Variants in GREM2 observed in about 807,000 individuals in gnomAD.
GREM2 encodes the protein gremlin 2, DAN family BMP antagonist.
Under a neutral mutation model 14.2 loss-of-function variants are expected in GREM2, and 11 were observed. That is an observed-to-expected ratio of 0.78 (90% CI 0.49 to 1.28). The LOEUF is 1.28. GREM2 is among the 50% of genes most tolerant of loss of function. The probability of loss-of-function intolerance (pLI) is 0.00; values close to 1 mark genes in which losing one functional copy is unlikely to be tolerated. For missense variants in GREM2, 210 were observed against 218.5 expected (o/e 0.96, Z 0.24); for synonymous variants, 98 against 97.6 (o/e 1.00, Z -0.02).
chr1:240,585,291 C>A (rs1046502083), intron 1 of GREM2, among the ~76,000 whole-genome samples: 8 of 152,086 alleles, frequency 5.3e-5, no homozygotes, highest in East Asian at 3.9e-4. Context: ...ACCATAGGGC[C>A]CTGTGAGGAC....
intron 1 of GREM2, among the ~76,000 whole-genome samples, chr1:240,600,712 G>A (rs1039941503): frequency 4.6e-5 from 7 of 152,038 alleles, no homozygotes; most frequent in Non-Finnish European, 1.5e-5. Context: ...TCGAACTCCT[G>A]ACCTCAGGAG....
At chr1:240,510,358 A>G (rs1572371956) in intron 1 of GREM2, among the ~76,000 whole-genome samples, 6 of 115,134 alleles carry the variant, frequency 5.2e-5, no homozygotes, top group Admixed American at 2.3e-4. Flanking sequence ...CGACAGAGCG[A>G]GACTCCGTCG....
chr1:240,611,623 GAGAA>G (rs1355370268), intron 1 of GREM2, among the ~76,000 whole-genome samples: 4 of 152,174 alleles, frequency 2.6e-5, no homozygotes, highest in South Asian at 2.1e-4. Flanking sequence ...TTATTTAAAA[GAGAA>G]AGAAAGAGCG....
chr1:240,521,990 C>A (rs1678110323), intron 1 of GREM2, among the ~76,000 whole-genome samples: 1 of 150,500 alleles, frequency 6.6e-6, no homozygotes, highest in Non-Finnish European at 1.5e-5. Flanking sequence ...CATGGTGGCA[C>A]ACACCTGTAG....
chr1:240,575,024 T>C (rs774225626), intron 1 of GREM2, among the ~76,000 whole-genome samples: 1 of 152,002 alleles, frequency 6.6e-6, no homozygotes, highest in Non-Finnish European at 1.5e-5. Context: ...GGAGAATTGG[T>C]TGAACGTGGG....
intron 1 of GREM2, among the ~76,000 whole-genome samples, chr1:240,573,724 G>A (rs1200667917): frequency 1.3e-5 from 2 of 152,220 alleles, no homozygotes; most frequent in East Asian, 3.9e-4. Context: ...TTCCTTTGAG[G>A]ACTGTGCTAT....
intron 1 of GREM2, among the ~76,000 whole-genome samples, chr1:240,581,250 CAA>C (rs58517545): frequency 7.6e-4 from 68 of 89,066 alleles, no homozygotes; most frequent in African/African-American, 1.5e-3. Flanking sequence ...AAATCCATCT[CAA>C]AAAAAAAAAA....
At chr1:240,590,989 C>T (rs997565883) in intron 1 of GREM2, among the ~76,000 whole-genome samples, 18 of 150,860 alleles carry the variant, frequency 1.2e-4, no homozygotes, top group African/African-American at 2.0e-4. Context: ...ACCAGGTTGG[C>T]CAGGCTGGTC....
intron 1 of GREM2, among the ~76,000 whole-genome samples, chr1:240,607,650 C>T (rs886187463): frequency 1.7e-4 from 26 of 152,324 alleles, no homozygotes; most frequent in Non-Finnish European, 3.1e-4. Context: ...TTACACAGAT[C>T]TATGTTGCTC....
intron 1 of GREM2, among the ~76,000 whole-genome samples, chr1:240,559,153 C>T (rs9428850): frequency 0.034 from 5,117 of 152,108 alleles, 276 homozygotes; most frequent in African/African-American, 0.12. Flanking sequence ...ATGAATTTCT[C>T]GAACTCTGTT....
intron 1 of GREM2, among the ~76,000 whole-genome samples, chr1:240,574,022 T>C (rs961083482): frequency 6.6e-6 from 1 of 152,060 alleles, no homozygotes; most frequent in Admixed American, 6.6e-5. Flanking sequence ...CAGGTTCAGG[T>C]GATTCTCCTT....
chr1:240,574,176 T>A (rs1352941548), intron 1 of GREM2, among the ~76,000 whole-genome samples: 1 of 152,100 alleles, frequency 6.6e-6, no homozygotes, highest in African/African-American at 2.4e-5. Flanking sequence ...CGCCTCGGCC[T>A]CCCAAAGTGA....
At chr1:240,503,950 A>T (rs1200368146) in intron 1 of GREM2, among the ~76,000 whole-genome samples, 5 of 152,136 alleles carry the variant, frequency 3.3e-5, no homozygotes, top group African/African-American at 4.8e-5. Context: ...CATAGTTTTA[A>T]ATGTTTATTA....
Position 240,594,443 on chromosome 1 carries a change from G to A in GREM2, c.-2+17441C>T, listed in dbSNP as rs374586142. ...TTGCTCTTTTCCCGGAAATAAACCAGGAAAGAATATTGGGTTGAACCTAAG... is the reference window on the plus strand; with the variant it reads ...TTGCTCTTTTCCCGGAAATAAACCAAGAAAGAATATTGGGTTGAACCTAAG... On this transcript the variant is annotated intron_variant, in intron 1 of 1. Coordinates refer to ENST00000318160, the MANE Select transcript of GREM2 (RefSeq NM_022469.4). 3.7e-3 allele frequency among the ~76,000 whole-genome samples: 561 copies of A among 152,226 alleles called. 3 individuals carry two copies. Among genetic ancestry groups the A allele is most frequent in the African/African-American group, 0.013 (536 of 41,550 alleles).
intron 1 of GREM2, among the ~76,000 whole-genome samples, chr1:240,495,435 T>A (rs1443535140): frequency 6.6e-6 from 1 of 152,256 alleles, no homozygotes; most frequent in Non-Finnish European, 1.5e-5. Context: ...AAATTGAATA[T>A]TAAATATGTT....
intron 1 of GREM2, among the ~76,000 whole-genome samples, chr1:240,562,370 T>C (rs555119255): frequency 6.6e-6 from 1 of 152,282 alleles, no homozygotes; most frequent in South Asian, 2.1e-4. Context: ...CCTAGCAAAA[T>C]GACTGAAATT....
At chr1:240,581,601 T>A (rs1228495278) in intron 1 of GREM2, among the ~76,000 whole-genome samples, 1 of 152,220 alleles carries the variant, frequency 6.6e-6, no homozygotes, top group Non-Finnish European at 1.5e-5. Flanking sequence ...ATAAATAATT[T>A]CTATCAAAAG....
chr1:240,551,898 A>G (rs1034793391), intron 1 of GREM2, among the ~76,000 whole-genome samples: 2 of 152,204 alleles, frequency 1.3e-5, no homozygotes, highest in African/African-American at 4.8e-5. Flanking sequence ...AGATTATGCC[A>G]ACCTTCCTTA....
intron 1 of GREM2, among the ~76,000 whole-genome samples, chr1:240,544,447 A>G (rs1054223365): frequency 6.6e-6 from 1 of 152,078 alleles, no homozygotes; most frequent in African/African-American, 2.4e-5. Flanking sequence ...GCGCCTGGCC[A>G]GTACTAGGCC....
Sources: gnomAD v4.1 joint callset for allele counts (sites outside exome capture counted in the v4.1 genomes callset) on GRCh38, gnomAD v4.1.1 for gene constraint, MANE v1.5 for transcripts, NCBI Gene and HGNC (gene_info 2026-07-23, HGNC 2026-07-21) for gene names.